The following MAD1L1 variants were observed in gnomAD, a reference collection of about 807,000 sequenced individuals.
The protein encoded by MAD1L1 is mitotic arrest deficient 1 like 1.
MAD1L1 carries 95 observed loss-of-function variants against 96.9 expected under a neutral mutation model. The ratio of observed to expected loss-of-function variants is 0.98; its 90% CI spans 0.83 to 1.16. The LOEUF (loss-of-function observed/expected upper bound fraction) is 1.16. MAD1L1 is among the 50% of genes most tolerant of loss of function. The probability of loss-of-function intolerance (pLI) is 0.00; values close to 1 mark genes in which losing one functional copy is unlikely to be tolerated. For missense variants in MAD1L1, 1,007 were observed against 954.4 expected, an observed-to-expected ratio of 1.06 and a Z score of -0.73; for synonymous variants, 473 against 396.6, an observed-to-expected ratio of 1.19 and a Z score of -2.29.
intron 11 of MAD1L1, among the ~76,000 whole-genome samples, chr7:2,123,462 TGTGTGAGG>T (rs1269100218): frequency 6.6e-6 from 1 of 152,054 alleles, no homozygotes; most frequent in Non-Finnish European, 1.5e-5. Flanking sequence ...CCTGGTCCTG[TGTGTGAGG>T]GCGGCTGACA....
intron 18 of MAD1L1, among the ~76,000 whole-genome samples, chr7:1,882,758 C>T (rs2128664976): frequency 6.6e-6 from 1 of 152,236 alleles, no homozygotes; most frequent in East Asian, 1.9e-4. Context: ...CCCCCCTTCC[C>T]ACCGCTGGGG....
At chr7:2,148,558 T>C (rs1333082088) in intron 11 of MAD1L1, 1 of 152,430 alleles carries the variant, frequency 6.6e-6, no homozygotes, top group African/African-American at 2.4e-5. Context: ...AAGAGGCCTC[T>C]CATTTCCGCC....
At chr7:1,950,567 C>T (rs1195761659) in intron 16 of MAD1L1, among the ~76,000 whole-genome samples, 1 of 152,220 alleles carries the variant, frequency 6.6e-6, no homozygotes, top group Non-Finnish European at 1.5e-5. Context: ...AAGGGTTGGA[C>T]AACAGTGACT....
chr7:2,030,530 C>A (rs1311301631), intron 12 of MAD1L1, among the ~76,000 whole-genome samples: 2 of 152,182 alleles, frequency 1.3e-5, no homozygotes, highest in Admixed American at 1.3e-4. Context: ...GGCCCCTGAA[C>A]AGCCTTGATG....
chr7:2,042,937 C>T (rs1280141850), intron 12 of MAD1L1, among the ~76,000 whole-genome samples: 1 of 152,076 alleles, frequency 6.6e-6, no homozygotes. Context: ...CAAGGCAGTG[C>T]TGCTGAGGGC....
intron 12 of MAD1L1, among the ~76,000 whole-genome samples, chr7:2,031,872 C>T (rs1343882187): frequency 2.6e-5 from 4 of 152,256 alleles, no homozygotes; most frequent in Admixed American, 2.6e-4. Flanking sequence ...ACAGACAGCA[C>T]AGTGGAGTCA....
chr7:2,193,819 G>A (rs867898622), intron 10 of MAD1L1, among the ~76,000 whole-genome samples: 7 of 151,760 alleles, frequency 4.6e-5, no homozygotes, highest in African/African-American at 1.7e-4. Context: ...AGGCCACACC[G>A]TCGCCCAACT....
intron 11 of MAD1L1, among the ~76,000 whole-genome samples, chr7:2,148,169 G>A (rs1339247636): frequency 6.6e-6 from 1 of 152,182 alleles, no homozygotes; most frequent in East Asian, 1.9e-4. Context: ...AGTGACATCA[G>A]CCCCCAAAAT....
chr7:2,132,020 T>A (rs1375732689), intron 11 of MAD1L1, among the ~76,000 whole-genome samples: 1 of 152,180 alleles, frequency 6.6e-6, no homozygotes, highest in East Asian at 1.9e-4. Context: ...ACGCTCAGCG[T>A]GGTCCCTCTC....
rs1472367158 is a variant in MAD1L1 at position 1,904,219 on chromosome 7, G to A, written c.1808-5829C>T. On this transcript the variant is annotated intron_variant, in intron 17 of 18. Transcript: ENST00000265854. ...TGTTCCAGGCAGCGAGCACGCAGTG[G>A]CCTATTGAAGAAGCTCTTGCGGAAC... is the stretch of plus-strand genomic sequence containing the variant. Among the ~76,000 whole-genome samples, 20 of 147,840 alleles carry A rather than the reference G, an allele frequency of 1.4e-4. No individual in the cohort carries two copies. In the East Asian group the frequency reaches 3.8e-3, roughly 28 times the overall value.
At chr7:2,083,961 C>T (rs1249451921) in intron 11 of MAD1L1, among the ~76,000 whole-genome samples, 1 of 152,208 alleles carries the variant, frequency 6.6e-6, no homozygotes, top group Non-Finnish European at 1.5e-5. Flanking sequence ...ACTGGGGAAG[C>T]GGGCGCAGAC....
At chr7:2,072,830 G>C (rs959972187) in intron 11 of MAD1L1, among the ~76,000 whole-genome samples, 1 of 152,200 alleles carries the variant, frequency 6.6e-6, no homozygotes, top group African/African-American at 2.4e-5. Context: ...GCCTTGAAGG[G>C]GGCCCAGCAA....
At chr7:1,876,209 G>A (rs1785379852) in intron 18 of MAD1L1, among the ~76,000 whole-genome samples, 1 of 152,116 alleles carries the variant, frequency 6.6e-6, no homozygotes, top group African/African-American at 2.4e-5. Flanking sequence ...TAGCGGCATG[G>A]CAGCCCCACC....
chr7:1,891,128 G>A (rs780572282), intron 18 of MAD1L1, among the ~76,000 whole-genome samples: 4 of 152,366 alleles, frequency 2.6e-5, no homozygotes, highest in African/African-American at 9.6e-5. Flanking sequence ...GCACAAGGAC[G>A]AGGGGTGCGG....
chr7:1,912,223 C>T (rs569927989), intron 17 of MAD1L1, among the ~76,000 whole-genome samples: 3 of 152,300 alleles, frequency 2.0e-5, no homozygotes, highest in East Asian at 3.9e-4. Context: ...CAGTGGAAAC[C>T]GCAAGGCCAG....
At chr7:2,064,251 C>T (rs1013445157) in intron 12 of MAD1L1, among the ~76,000 whole-genome samples, 3 of 152,242 alleles carry the variant, frequency 2.0e-5, no homozygotes, top group South Asian at 2.1e-4. Flanking sequence ...AATATCCAGG[C>T]GGGCCCTCCA....
chr7:2,225,261 T>G, intron 4 of MAD1L1, 149 bp downstream of exon 4: 3 of 407,800 alleles, frequency 7.4e-6, no homozygotes, highest in African/African-American at 3.3e-5. Flanking sequence ...GGGACTGGGA[T>G]CTGATTTCTT....
chr7:2,097,177 A>G (rs1433709148), intron 11 of MAD1L1, among the ~76,000 whole-genome samples: 1 of 151,026 alleles, frequency 6.6e-6, no homozygotes, highest in Non-Finnish European at 1.5e-5. Context: ...ACCACGCCCC[A>G]CCCCACGGCG....
At position 2,014,526 on chromosome 7, in the gene MAD1L1, C is replaced by G; in HGVS notation, c.1335G>C (p.Val445=). The part of the protein sequence containing the change: ...MREAEDMVQK[V]HSHSAEMEAQ... ...CCTCCATCTCGGCGCTGTGGCTGTG[C>G]ACCTTCTGCACCATATCCTCAGCCT... Residue 445 remains valine (V), a synonymous_variant, in exon 13 of 19, where the codon GTG becomes GTC. Coordinates refer to ENST00000265854, the MANE Select transcript of MAD1L1 (RefSeq NM_001013836.2). 4 of 1,604,312 alleles carry G rather than the reference C, an allele frequency of 2.5e-6. No homozygotes were observed. The highest frequency in any genetic ancestry group is 3.4e-6 in the Non-Finnish European group (4 of 1,177,718).
Sources: allele counts gnomAD v4.1 joint callset (sites outside exome capture counted in the v4.1 genomes callset), GRCh38; gene constraint gnomAD v4.1.1; transcripts MANE v1.5; gene names NCBI Gene and HGNC (gene_info 2026-07-23, HGNC 2026-07-21).